Variants in KIF13B observed in about 807,000 individuals in gnomAD.
KIF13B encodes the protein kinesin family member 13B.
Under a neutral mutation model 222.0 loss-of-function variants are expected in KIF13B, and 127 were observed. That is an observed-to-expected ratio of 0.57 (90% CI 0.50 to 0.66). The LOEUF (loss-of-function observed/expected upper bound fraction) is 0.66. KIF13B is among the 30% of genes least tolerant of loss of function. The pLI is 0.00. For synonymous variants in KIF13B, 976 were observed against 919.0 expected, an observed-to-expected ratio of 1.06 and a Z score of -1.12; for missense variants, 2,173 against 2,379.0, an observed-to-expected ratio of 0.91 and a Z score of 1.80.
chr8:29,185,031 T>C (rs1460606161), intron 6 of KIF13B, among the ~76,000 whole-genome samples: 6 of 152,058 alleles, frequency 3.9e-5, no homozygotes, highest in African/African-American at 1.4e-4. Flanking sequence ...AGTGGTACAA[T>C]CTTGGCTCAC....
intron 2 of KIF13B, among the ~76,000 whole-genome samples, chr8:29,223,164 CA>C (rs375009923): frequency 0.55 from 62,646 of 112,902 alleles, 16,433 homozygotes; most frequent in Middle Eastern, 0.71. Context: ...CAAAAAAATA[CA>C]AAAAAAAAAA....
chr8:29,119,024 G>C (rs1203971037), intron 29 of KIF13B, 32 bp from the exon 30 acceptor site: 2 of 1,601,882 alleles, frequency 1.2e-6, no homozygotes, highest in Non-Finnish European at 1.7e-6. Flanking sequence ...TAAATACTGA[G>C]ATCATTTTCA....
chr8:29,144,314 G>A (rs1482222285), intron 18 of KIF13B, among the ~76,000 whole-genome samples: 1 of 152,020 alleles, frequency 6.6e-6, no homozygotes, highest in Non-Finnish European at 1.5e-5. Context: ...AGGCTGGGGT[G>A]CAGTGGCCCA....
intron 20 of KIF13B, 39 bp downstream of exon 20, chr8:29,140,429 T>C (rs530801253): frequency 1.5e-5 from 24 of 1,588,562 alleles, no homozygotes; most frequent in African/African-American, 1.2e-4. Flanking sequence ...TTTCTTAAAC[T>C]ATTCTCTACA....
At chr8:29,181,747 T>C (rs1812721845) in intron 7 of KIF13B, among the ~76,000 whole-genome samples, 172 bp downstream of exon 7, 1 of 152,268 alleles carries the variant, frequency 6.6e-6, no homozygotes. Context: ...TTAGTCTATA[T>C]TTATTCGCTT....
intron 9 of KIF13B, among the ~76,000 whole-genome samples, chr8:29,177,106 A>C (rs1157109206): frequency 2.6e-5 from 4 of 152,190 alleles, no homozygotes; most frequent in Non-Finnish European, 5.9e-5. Context: ...ATGGTTGTTG[A>C]AAGTGAGTTT....
intron 19 of KIF13B, 36 bp from the exon 20 acceptor site, chr8:29,140,653 A>C (rs1188600751): frequency 1.3e-6 from 2 of 1,585,070 alleles, no homozygotes; most frequent in South Asian, 2.3e-5. Flanking sequence ...CTTCAGAAAA[A>C]CCATTTACAA....
intron 6 of KIF13B, among the ~76,000 whole-genome samples, chr8:29,182,917 GAT>G (rs903132997): frequency 6.6e-6 from 1 of 151,826 alleles, no homozygotes; most frequent in African/African-American, 2.4e-5. Flanking sequence ...TGAGGTGATG[GAT>G]ATGTTAATTA....
intron 20 of KIF13B, 68 bp downstream of exon 20, chr8:29,140,400 T>C (rs1810761181): frequency 6.6e-7 from 1 of 1,513,910 alleles, no homozygotes; most frequent in African/African-American, 1.4e-5. Context: ...AGCAACAATA[T>C]CCCATCACCA....
intron 2 of KIF13B, among the ~76,000 whole-genome samples, chr8:29,199,087 T>TTTTTTTTTTTTTTTTTTATTATAC (rs1563781453): frequency 1.3e-5 from 2 of 151,814 alleles, no homozygotes; most frequent in East Asian, 1.9e-4. Flanking sequence ...ATAAAATTTT[T>TTTTTTTTTTTTTTTTTTATTATAC]TAAAAAATAG....
Position 29,109,505 on chromosome 8 carries a change from C to T in KIF13B, c.4090G>A (p.Ala1364Thr), listed in dbSNP as rs754322224. 47 of 1,613,104 alleles carry T rather than the reference C, an allele frequency of 2.9e-5. No homozygotes were observed. The highest frequency in any genetic ancestry group is 4.0e-5 in the African/African-American group (3 of 74,924). The change falls in exon 34 of 40, where the codon GCA (alanine) becomes ACA (threonine). Residue 1364 changes from alanine to threonine, a missense_variant. By Grantham distance (58) the Ala-to-Thr change is moderately conservative. Transcript: ENST00000524189. ...LTLDRLRQEV[A>T]VKEQLTGKGK... ...TTTCCTGTTAACTGTTCCTTCACTG[C>T]AACTTCCTGTGAATCAGAAAACATA...
At position 29,146,358 on chromosome 8, in the gene KIF13B, TC is replaced by T; in HGVS notation, c.2187+19del. The T allele has an allele frequency of 6.2e-7, 1 of 1,613,544 alleles. No individual in the cohort carries two copies. The highest frequency in any genetic ancestry group is 8.5e-7 in the Non-Finnish European group (1 of 1,179,522). ...TTATCCAATGAGATCTTTGTTTTTT[TC>T]AAGGAACGGCAACCTCACCTTCCTG... On this transcript the variant is annotated intron_variant, in intron 18 of 39. Coordinates refer to ENST00000524189, the MANE Select transcript of KIF13B (RefSeq NM_015254.4).
At chr8:29,075,982 T>C (rs1460757282) in intron 37 of KIF13B, among the ~76,000 whole-genome samples, 3 of 151,972 alleles carry the variant, frequency 2.0e-5, no homozygotes, top group East Asian at 1.9e-4. Flanking sequence ...AGATCAGTAA[T>C]GCAACTCCAG....
chr8:29,073,000 C>T (rs779520861), intron 38 of KIF13B, among the ~76,000 whole-genome samples: 43 of 151,206 alleles, frequency 2.8e-4, no homozygotes, highest in Admixed American at 1.1e-3. Flanking sequence ...GCCTGGCCAG[C>T]TCAGGCACCA....
chr8:29,228,472 A>AAAAAAAATATATATATATATATAT, intron 2 of KIF13B, among the ~76,000 whole-genome samples: 1 of 117,086 alleles, frequency 8.5e-6, no homozygotes, highest in African/African-American at 3.3e-5. Flanking sequence ...ATCTTAAAAA[A>AAAAAAAATATATATATATATATAT]ATATATATAT....
At chr8:29,085,115 C>G (rs970641186) in intron 37 of KIF13B, among the ~76,000 whole-genome samples, 7 of 152,192 alleles carry the variant, frequency 4.6e-5, no homozygotes, top group African/African-American at 1.4e-4. Flanking sequence ...AAAAAAAGAT[C>G]CAGGAACCTT....
At chr8:29,206,555 T>C (rs555266914) in intron 2 of KIF13B, among the ~76,000 whole-genome samples, 22 of 152,318 alleles carry the variant, frequency 1.4e-4, no homozygotes, top group African/African-American at 4.1e-4. Flanking sequence ...TAACTGAAGA[T>C]GGCTTTGTTT....
intron 10 of KIF13B, among the ~76,000 whole-genome samples, chr8:29,169,374 T>C: frequency 6.6e-6 from 1 of 152,188 alleles, no homozygotes; most frequent in Non-Finnish European, 1.5e-5. Flanking sequence ...CCAACATGAT[T>C]TCCACTCCCC....
intron 3 of KIF13B, among the ~76,000 whole-genome samples, chr8:29,193,514 A>C (rs1415890754): frequency 1.3e-5 from 2 of 152,174 alleles, no homozygotes; most frequent in African/African-American, 2.4e-5. Flanking sequence ...AATTTTATTT[A>C]ATTAATTCTG....
Sources: allele counts gnomAD v4.1 joint callset (sites outside exome capture counted in the v4.1 genomes callset), GRCh38; gene constraint gnomAD v4.1.1; transcripts MANE v1.5; gene names NCBI Gene and HGNC (gene_info 2026-07-23, HGNC 2026-07-21).